Variants in TAF2 observed in about 807,000 individuals in gnomAD.
The protein encoded by TAF2 is TATA-box binding protein associated factor 2, also known as transcription initiation factor TFIID subunit 2.
TAF2 carries 61 observed loss-of-function variants against 138.5 expected under a neutral mutation model. That is an observed-to-expected ratio of 0.44 (90% CI 0.36 to 0.54). TAF2 has a LOEUF of 0.54. Ranked by LOEUF, TAF2 falls within the 20% of genes least tolerant of loss-of-function variation. The probability of loss-of-function intolerance (pLI) is 0.00; values close to 1 mark genes in which losing one functional copy is unlikely to be tolerated. For synonymous variants in TAF2, 475 were observed against 469.9 expected (o/e 1.01, Z -0.14); for missense variants, 1,090 against 1,427.9 (o/e 0.76, Z 3.81).
At chr8:119,813,362 C>G (rs1825229145) in intron 3 of TAF2, among the ~76,000 whole-genome samples, 2 of 152,140 alleles carry the variant, frequency 1.3e-5, no homozygotes, top group African/African-American at 4.8e-5. Context: ...CTACAAGAAT[C>G]CTTATGGGTG....
chr8:119,773,106 A>C (rs1376925782), intron 18 of TAF2, among the ~76,000 whole-genome samples: 1 of 146,574 alleles, frequency 6.8e-6, no homozygotes, highest in African/African-American at 2.5e-5. Flanking sequence ...AAAAAAAAAA[A>C]CCTATGGTTA....
At position 119,815,879 on chromosome 8, in the gene TAF2, C is replaced by T. The variant is rs146533713; in HGVS notation, c.299+3467G>A. 1.6e-3 allele frequency among the ~76,000 whole-genome samples: 247 copies of T among 152,264 alleles called. 1 individual carries two copies. The highest frequency in any genetic ancestry group is 5.6e-3 in the African/African-American group (233 of 41,534). ...TAAAGCAAAAAGACAGCTGCTTATA[C>T]ACGTTACATAACCAATATGTTTTTA... On this transcript the variant is annotated intron_variant, in intron 3 of 25. Coordinates refer to ENST00000378164, the MANE Select transcript of TAF2 (RefSeq NM_003184.4).
chr8:119,773,897 C>T (rs1259456354), intron 18 of TAF2, among the ~76,000 whole-genome samples: 7 of 151,668 alleles, frequency 4.6e-5, no homozygotes, highest in African/African-American at 1.2e-4. Flanking sequence ...CTTGGCCAGG[C>T]GCGATGGCTC....
At chr8:119,795,875 ATT>A (rs1563891782) in intron 8 of TAF2, among the ~76,000 whole-genome samples, 1 of 152,036 alleles carries the variant, frequency 6.6e-6, no homozygotes, top group Non-Finnish European at 1.5e-5. Context: ...TCAGGTATAA[ATT>A]ACCAGAGTAC....
At chr8:119,735,446 T>C (rs888660498) in intron 25 of TAF2, among the ~76,000 whole-genome samples, 4 of 152,224 alleles carry the variant, frequency 2.6e-5, no homozygotes, top group African/African-American at 7.2e-5. Flanking sequence ...AAAACTATTA[T>C]AGCTCATCCA....
At chr8:119,829,350 G>C (rs902922793) in intron 2 of TAF2, among the ~76,000 whole-genome samples, 3 of 152,094 alleles carry the variant, frequency 2.0e-5, no homozygotes, top group African/African-American at 7.2e-5. Context: ...GGTCCTACAA[G>C]GTGACCCATT....
Position 119,819,318 on chromosome 8 carries a change from A to T in TAF2, c.299+28T>A, listed in dbSNP as rs747512075. The stretch of plus-strand genomic sequence containing the variant: ...AAACATTTTTTCAAAACTGTTAAAA[A>T]TAGTGACTTTTAAAGTGCATAACTT... On this transcript the variant is annotated intron_variant, in intron 3 of 25. Coordinates refer to ENST00000378164, the MANE Select transcript of TAF2 (RefSeq NM_003184.4). 15 of 1,606,986 alleles carry T rather than the reference A, an allele frequency of 9.3e-6. No homozygotes were observed. The African/African-American group carries it at 1.9e-4, about 20-fold the overall frequency.
Position 119,766,383 on chromosome 8 carries a change from A to G in TAF2, c.2365-3775T>C, listed in dbSNP as rs1314397016. Among the ~76,000 whole-genome samples, 3 of 152,172 alleles carry G rather than the reference A, an allele frequency of 2.0e-5. 1 individual carries two copies. Among genetic ancestry groups the G allele is most frequent in the Non-Finnish European group, 4.4e-5 (3 of 68,024 alleles). On this transcript the variant is annotated intron_variant, in intron 18 of 25. Transcript: ENST00000378164. ...CAGCCCCACAACAAAGAATTATCCAACCCGAAATATTAGAGGTGCCATGAT... is the reference window on the plus strand; with the variant it reads ...CAGCCCCACAACAAAGAATTATCCAGCCCGAAATATTAGAGGTGCCATGAT...
intron 5 of TAF2, 94 bp from the exon 6 acceptor site, chr8:119,802,119 G>T: frequency 9.0e-7 from 1 of 1,107,566 alleles, no homozygotes; most frequent in Non-Finnish European, 1.3e-6. Flanking sequence ...TCTAGAAAAT[G>T]AACAAACAAA....
chr8:119,738,288 T>G (rs1359317513), intron 25 of TAF2, among the ~76,000 whole-genome samples: 3 of 152,092 alleles, frequency 2.0e-5, no homozygotes, highest in Non-Finnish European at 4.4e-5. Flanking sequence ...GACACACAAG[T>G]TTACTTTCAT....
At chr8:119,797,126 G>C (rs1490585235) in intron 7 of TAF2, 23 bp from the exon 8 acceptor site, 2 of 1,486,474 alleles carry the variant, frequency 1.3e-6, no homozygotes, top group Non-Finnish European at 1.9e-6. Flanking sequence ...AGAGAAGAAA[G>C]CTCATTATAA....
intron 18 of TAF2, chr8:119,762,819 T>C (rs1056103527): frequency 2.1e-5 from 9 of 428,026 alleles, no homozygotes; most frequent in Non-Finnish European, 3.7e-5. Context: ...AGTTTACTGA[T>C]GGAAAACTAA....
At chr8:119,800,501 A>C (rs973834051) in intron 6 of TAF2, among the ~76,000 whole-genome samples, 3 of 152,136 alleles carry the variant, frequency 2.0e-5, no homozygotes, top group Non-Finnish European at 4.4e-5. Context: ...CCATTGGTCT[A>C]TATCTCTGTT....
chr8:119,731,735 A>T lies in TAF2; in HGVS notation c.*189T>A. ...AATAGTTTATCCAGAACTACAAAAC[A>T]CATTTTCCTAATTAGATCCCAACTG... On this transcript the variant is annotated 3_prime_UTR_variant, in exon 26 of 26. Coordinates refer to ENST00000378164, the MANE Select transcript of TAF2 (RefSeq NM_003184.4). 1 of 634,926 alleles carries T rather than the reference A, an allele frequency of 1.6e-6. No homozygotes were observed. The highest frequency in any genetic ancestry group is 2.7e-6 in the Non-Finnish European group (1 of 364,042). 39.3% of individuals were successfully genotyped at this position (634,926 alleles called of 1,614,324 possible). A position where few individuals can be genotyped will look rare whatever the true frequency, so the allele number is the denominator to read the frequency against.
At chr8:119,789,091 A>C (rs578217502) in intron 12 of TAF2, among the ~76,000 whole-genome samples, 187 bp from the exon 13 acceptor site, 2 of 152,374 alleles carry the variant, frequency 1.3e-5, no homozygotes, top group East Asian at 3.9e-4. Context: ...CCAGATTTAA[A>C]TAAAATTTCT....
At chr8:119,801,244 T>C (rs1178020042) in intron 6 of TAF2, among the ~76,000 whole-genome samples, 1 of 152,172 alleles carries the variant, frequency 6.6e-6, no homozygotes, top group Non-Finnish European at 1.5e-5. Context: ...AATCAAGATA[T>C]AACTGAAGCT....
At chr8:119,790,567 T>C (rs565525695) in intron 11 of TAF2, among the ~76,000 whole-genome samples, 68 of 152,244 alleles carry the variant, frequency 4.5e-4, no homozygotes, top group South Asian at 2.3e-3. Flanking sequence ...ATGTTAACAA[T>C]GAAAAAAAAT....
intron 6 of TAF2, 96 bp downstream of exon 6, chr8:119,801,698 G>A: frequency 8.2e-7 from 1 of 1,219,050 alleles, no homozygotes; most frequent in South Asian, 1.2e-5. Flanking sequence ...AAAGTGCTGG[G>A]ATTACAGGCA....
At chr8:119,831,797 T>G (rs1826464743) in intron 1 of TAF2, 66 bp from the exon 2 acceptor site, 9 of 1,085,688 alleles carry the variant, frequency 8.3e-6, no homozygotes, top group African/African-American at 1.6e-5. Flanking sequence ...CAAAGTATAA[T>G]TCTATCCAAG....
Sources: allele counts gnomAD v4.1 joint callset (sites outside exome capture counted in the v4.1 genomes callset), GRCh38; gene constraint gnomAD v4.1.1; transcripts MANE v1.5; gene names NCBI Gene and HGNC (gene_info 2026-07-23, HGNC 2026-07-21).